TBC1D9: variants seen among roughly 807,000 people sequenced by gnomAD.
The protein encoded by TBC1D9 is TBC1 domain family member 9A.
Under a neutral mutation model 132.0 loss-of-function variants are expected in TBC1D9, and 63 were observed. The observed-to-expected ratio is 0.48, with a 90% CI of 0.39 to 0.59. TBC1D9 has a LOEUF of 0.59. TBC1D9 is among the 20% of genes least tolerant of loss of function. The probability of loss-of-function intolerance (pLI) is 0.00; values close to 1 mark genes in which losing one functional copy is unlikely to be tolerated. For synonymous variants in TBC1D9, 610 were observed against 609.9 expected, an observed-to-expected ratio of 1.00 and a Z score of 0.00; for missense variants, 1,261 against 1,592.7, an observed-to-expected ratio of 0.79 and a Z score of 3.54.
At chr4:140,745,215 C>G (rs1338312921) in intron 1 of TBC1D9, among the ~76,000 whole-genome samples, 1 of 152,188 alleles carries the variant, frequency 6.6e-6, no homozygotes, top group Non-Finnish European at 1.5e-5. Flanking sequence ...TTCTCAGGAC[C>G]TCTTGAGAAT....
rs539942248 is a variant in TBC1D9, at chr4:140,635,179, GA to G, written c.2506-992del. ...ATAAGCACGAATAAATATGGTAATA[GA>G]AAAAAAAAACACCTTTGGCCAGGTG... On this transcript the variant is annotated intron_variant, in intron 15 of 20. Transcript: ENST00000442267. 4.7e-3 allele frequency among the ~76,000 whole-genome samples: 698 copies of G among 147,986 alleles called. 3 individuals carry two copies. Among genetic ancestry groups the G allele is most frequent in the African/African-American group, 0.016 (627 of 40,436 alleles).
At chr4:140,658,055 C>T (rs1737299405) in intron 11 of TBC1D9, among the ~76,000 whole-genome samples, 1 of 152,168 alleles carries the variant, frequency 6.6e-6, no homozygotes, top group Non-Finnish European at 1.5e-5. Flanking sequence ...AATCACATGA[C>T]AATTATAAGG....
chr4:140,741,742 A>G (rs2111078583), intron 1 of TBC1D9, among the ~76,000 whole-genome samples: 1 of 152,218 alleles, frequency 6.6e-6, no homozygotes, highest in Non-Finnish European at 1.5e-5. Context: ...CAAAACAGAG[A>G]CATTTACCAT....
rs376554173 is a variant in TBC1D9 at position 140,622,239 on chromosome 4, G to A, written c.3757C>T (p.Leu1253Phe). The A allele has an allele frequency of 1.3e-6, 2 of 1,596,922 alleles. No homozygotes were observed. Among genetic ancestry groups the A allele is most frequent in the African/African-American group, 2.7e-5 (2 of 74,650 alleles). ...AKNIRMMGKP[L>F]TSASDYEISA... ...ATTTCATAGTCACTGGCCGAGGTGA[G>A]GGGCTTGCCCATCATCCGGATGTTT... The change falls in exon 21 of 21, where the codon CTC (leucine) becomes TTC (phenylalanine). Residue 1253 changes from leucine (L) to phenylalanine (F), a missense_variant. Coordinates refer to ENST00000442267, the MANE Select transcript of TBC1D9 (RefSeq NM_015130.3).
In TBC1D9 at chr4:140,679,704, C is replaced by T. The variant is rs762269161; in HGVS notation, c.500G>A (p.Ser167Asn). ...ACGGGGGACCTTCCCCTTCCAATAGCTGCAAGAGTAATAGTTGACGAGTTT... is the reference window on the plus strand; with the variant it reads ...ACGGGGGACCTTCCCCTTCCAATAGTTGCAAGAGTAATAGTTGACGAGTTT... Reference protein sequence around the residue: ...EEKLVNYYSCSYWKGKVPRQG... With the variant: ...EEKLVNYYSCNYWKGKVPRQG... Residue 167 changes from serine (S) to asparagine (N), a missense_variant, in exon 4 of 21, where the codon AGC (serine) becomes AAC (asparagine). Physicochemically the swap from Ser to Asn is conservative, Grantham distance 46. Around this residue, in one of 3 missense-constraint regions of TBC1D9, gnomAD observed 550 missense variants for 699.0 expected, o/e 0.79. Transcript: ENST00000442267. The T allele has an allele frequency of 3.7e-6, 6 of 1,613,854 alleles. No homozygotes were observed. The highest frequency in any genetic ancestry group is 5.1e-6 in the Non-Finnish European group (6 of 1,179,826).
chr4:140,741,201 G>A (rs74451305), intron 1 of TBC1D9, among the ~76,000 whole-genome samples: 27 of 152,074 alleles, frequency 1.8e-4, no homozygotes, highest in Non-Finnish European at 2.6e-4. Flanking sequence ...AAACTCCAAC[G>A]TGACTCTAGT....
At chr4:140,727,481 G>C (rs557950230) in intron 1 of TBC1D9, among the ~76,000 whole-genome samples, 1 of 152,186 alleles carries the variant, frequency 6.6e-6, no homozygotes, top group Admixed American at 6.5e-5. Context: ...GGATGGAAGC[G>C]TGGACATTTT....
At chr4:140,661,718 T>C (rs1272193184) in intron 10 of TBC1D9, among the ~76,000 whole-genome samples, 175 bp downstream of exon 10, 1 of 152,174 alleles carries the variant, frequency 6.6e-6, no homozygotes, top group Non-Finnish European at 1.5e-5. Flanking sequence ...CTACAAAGCA[T>C]AGAACAGCCC....
intron 1 of TBC1D9, among the ~76,000 whole-genome samples, chr4:140,736,753 C>T (rs1738679173): frequency 1.3e-5 from 2 of 152,020 alleles, no homozygotes; most frequent in Non-Finnish European, 2.9e-5. Context: ...GTAGGGTTAG[C>T]CATGCTATTC....
rs1237489382 is a variant in TBC1D9, at chr4:140,706,776, T to G, written c.131-5162A>C. Among the ~76,000 whole-genome samples, 1 of 152,244 alleles carries G rather than the reference T, an allele frequency of 6.6e-6. No individual in the cohort carries two copies. The highest frequency in any genetic ancestry group is 1.5e-5 in the Non-Finnish European group (1 of 68,046). Reference sequence around the variant, plus strand: ...GCAAGGTACACTGCAGCTTATTTTTTTCAATCAATATGTTTGTAAAATTTA... The same window carrying G: ...GCAAGGTACACTGCAGCTTATTTTTGTCAATCAATATGTTTGTAAAATTTA... On this transcript the variant is annotated intron_variant, in intron 1 of 20. Coordinates refer to ENST00000442267, the MANE Select transcript of TBC1D9 (RefSeq NM_015130.3). This position sits in a 1 kb window ranked among gnomAD's most constrained non-coding sequence, Gnocchi z 4.0.
chr4:140,662,026 G>A lies in TBC1D9; in HGVS notation c.1670C>T (p.Thr557Met), dbSNP rs769959660. ...GTGTAAATCCCTCTCAATCTCCTCC[G>A]TGGCGAGATTATACTTCCCCATGGA... ...EKSMGKYNLA[T>M]EEIERDLHRS... Residue 557 changes from threonine to methionine, a missense_variant, in exon 10 of 21, where the codon ACG becomes ATG. Physicochemically the swap from Thr to Met is moderately conservative, Grantham distance 81. Coordinates refer to ENST00000442267, the MANE Select transcript of TBC1D9 (RefSeq NM_015130.3). 26 of 1,613,630 alleles carry A rather than the reference G, an allele frequency of 1.6e-5. No homozygotes were observed. The highest frequency in any genetic ancestry group is 2.2e-5 in the South Asian group (2 of 91,074).
rs1736615702 is a variant in TBC1D9 at position 140,621,658 on chromosome 4, G to C, written c.*537C>G. ...TCTGTGGAATATGATTTTGAATAGA[G>C]GACTTCTATGAAATATATTTCAAAT... On this transcript the variant is annotated 3_prime_UTR_variant, in exon 21 of 21. Transcript: ENST00000442267. 1 of 152,100 alleles carries C rather than the reference G, an allele frequency of 6.6e-6. No homozygotes were observed. Among genetic ancestry groups the C allele is most frequent in the African/African-American group, 2.4e-5 (1 of 41,416 alleles). The allele number at this position is 152,100 out of a possible 1,614,324, so 9.4% of individuals were successfully genotyped here. A position where few individuals can be genotyped will look rare whatever the true frequency, so the allele number is the denominator to read the frequency against.
At position 140,668,468 on chromosome 4, in the gene TBC1D9, A is replaced by C. The variant is rs562403361; in HGVS notation, c.1588+449T>G. On this transcript the variant is annotated intron_variant, in intron 9 of 20. Coordinates refer to ENST00000442267, the MANE Select transcript of TBC1D9 (RefSeq NM_015130.3). ...AAGACTTCAGGAGGTGGCAAAAATC[A>C]AACACCTGGGCCTTTTTATTCCTCT... is the stretch of plus-strand genomic sequence containing the variant. Among the ~76,000 whole-genome samples the C allele has an allele frequency of 8.5e-5, 13 of 152,310 alleles. No individual in the cohort carries two copies. In the South Asian group the frequency reaches 2.5e-3, roughly 29 times the overall value.
chr4:140,642,585 C>G, intron 13 of TBC1D9: 2 of 925,708 alleles, frequency 2.2e-6, no homozygotes, highest in Non-Finnish European at 3.4e-6. Flanking sequence ...TGCTCCTGGT[C>G]GCTGTCCATC....
At chr4:140,623,630 C>G (rs1578811052) in intron 20 of TBC1D9, among the ~76,000 whole-genome samples, 1 of 152,190 alleles carries the variant, frequency 6.6e-6, no homozygotes, top group African/African-American at 2.4e-5. Flanking sequence ...GACACATGCC[C>G]CATCTCCCTG....
chr4:140,643,441 G>C, intron 13 of TBC1D9: 1 of 942,854 alleles, frequency 1.1e-6, no homozygotes, highest in Non-Finnish European at 1.7e-6. Flanking sequence ...GGCAGGAACT[G>C]CTCAGAGCTT....
At chr4:140,659,550 G>T in intron 11 of TBC1D9, 38 bp downstream of exon 11, 1 of 1,413,342 alleles carries the variant, frequency 7.1e-7, no homozygotes, top group South Asian at 1.3e-5. Flanking sequence ...TCTTCTTGAC[G>T]AGACATAGGT....
chr4:140,647,246 T>G (rs1485568519), intron 13 of TBC1D9, among the ~76,000 whole-genome samples: 1 of 152,222 alleles, frequency 6.6e-6, no homozygotes, highest in African/African-American at 2.4e-5. Context: ...GCTACCTCTG[T>G]TTTGCGAATG....
chr4:140,729,903 TC>T (rs541485107), intron 1 of TBC1D9, among the ~76,000 whole-genome samples: 87 of 152,044 alleles, frequency 5.7e-4, no homozygotes, highest in African/African-American at 2.0e-3. Flanking sequence ...TGTCTTTTTT[TC>T]CCCCAGGGGG....
Sources: allele counts gnomAD v4.1 joint callset (sites outside exome capture counted in the v4.1 genomes callset), GRCh38; gene constraint gnomAD v4.1.1; regional missense constraint gnomAD v4.1.1; non-coding constraint Gnocchi (gnomAD v3.1); transcripts MANE v1.5; gene names NCBI Gene and HGNC (gene_info 2026-07-23, HGNC 2026-07-21).